Variants in GUCY1A2 observed in about 807,000 individuals in gnomAD.
GUCY1A2 encodes guanylate cyclase soluble subunit alpha-2.
GUCY1A2 carries 27 observed loss-of-function variants against 63.5 expected under a neutral mutation model. That is an observed-to-expected ratio of 0.43 (90% CI 0.31 to 0.59). GUCY1A2 has a LOEUF of 0.59. Among genes scored for constraint, GUCY1A2 ranks in the 20% least tolerant of loss-of-function variants. The pLI is 0.11. For missense variants in GUCY1A2, 768 were observed against 913.3 expected, an observed-to-expected ratio of 0.84 and a Z score of 2.05; for synonymous variants, 364 against 343.5, an observed-to-expected ratio of 1.06 and a Z score of -0.66.
At chr11:106,861,095 C>T (rs980152564) in intron 4 of GUCY1A2, among the ~76,000 whole-genome samples, 3 of 151,890 alleles carry the variant, frequency 2.0e-5, no homozygotes, top group Admixed American at 6.6e-5. Flanking sequence ...CTTGAGTCCT[C>T]GCTCTAACCT....
chr11:106,855,146 G>A (rs922788025), intron 4 of GUCY1A2, among the ~76,000 whole-genome samples: 2 of 152,138 alleles, frequency 1.3e-5, no homozygotes, highest in Non-Finnish European at 2.9e-5. Context: ...GTGAGTGGGA[G>A]CCAGTGTGAG....
chr11:106,806,251 G>T (rs1858683137), intron 5 of GUCY1A2, among the ~76,000 whole-genome samples: 1 of 152,168 alleles, frequency 6.6e-6, no homozygotes, highest in Non-Finnish European at 1.5e-5. Context: ...AAATGCTTAT[G>T]ATGTAACTGT....
At chr11:106,809,888 A>G (rs1858740965) in intron 5 of GUCY1A2, 105 bp downstream of exon 5, 1 of 704,518 alleles carries the variant, frequency 1.4e-6, no homozygotes, top group Admixed American at 2.8e-5. Context: ...TAAATTAAAG[A>G]GTTGTCAATT....
chr11:106,875,826 T>C (rs1859741004), intron 4 of GUCY1A2, among the ~76,000 whole-genome samples: 1 of 152,134 alleles, frequency 6.6e-6, no homozygotes, highest in African/African-American at 2.4e-5. Context: ...TCTTTTTTTA[T>C]ATCTATGCTT....
At chr11:106,981,206 T>C (rs1478948906) in intron 2 of GUCY1A2, among the ~76,000 whole-genome samples, 1 of 152,180 alleles carries the variant, frequency 6.6e-6, no homozygotes, top group Admixed American at 6.5e-5. Flanking sequence ...TTAAGTAATA[T>C]CCTTGAAGTT....
At chr11:106,901,288 C>T (rs1338449074) in intron 4 of GUCY1A2, among the ~76,000 whole-genome samples, 1 of 152,164 alleles carries the variant, frequency 6.6e-6, no homozygotes, top group Non-Finnish European at 1.5e-5. Context: ...TCAGGCCCCA[C>T]TTCTAACTCT....
intron 2 of GUCY1A2, among the ~76,000 whole-genome samples, chr11:106,978,982 CA>C (rs1197157043): frequency 6.6e-6 from 1 of 152,074 alleles, no homozygotes; most frequent in Non-Finnish European, 1.5e-5. Context: ...TTGAAGAGAA[CA>C]AAAAATATAT....
chr11:106,922,495 A>T (rs914856460), intron 4 of GUCY1A2, among the ~76,000 whole-genome samples: 5 of 150,880 alleles, frequency 3.3e-5, no homozygotes, highest in Admixed American at 2.0e-4. Flanking sequence ...ATATAAATAC[A>T]TATATTTGTT....
intron 5 of GUCY1A2, among the ~76,000 whole-genome samples, chr11:106,794,669 A>G (rs1199611105): frequency 6.6e-6 from 1 of 152,118 alleles, no homozygotes; most frequent in Non-Finnish European, 1.5e-5. Context: ...TAACCCAAAA[A>G]AGCTGGATAA....
chr11:106,695,757 A>G (rs1862707408), intron 7 of GUCY1A2, among the ~76,000 whole-genome samples: 1 of 152,210 alleles, frequency 6.6e-6, no homozygotes, highest in African/African-American at 2.4e-5. Flanking sequence ...AAATAAGGAA[A>G]GGAAGAATCT....
chr11:106,787,410 A>AC (rs1864575506), intron 5 of GUCY1A2, among the ~76,000 whole-genome samples: 1 of 14,138 alleles, frequency 7.1e-5, no homozygotes, highest in Admixed American at 8.8e-4. Flanking sequence ...AATTTGCCTT[A>AC]CTTTGTTTTT....
chr11:106,891,383 C>G (rs1447427240), intron 4 of GUCY1A2, among the ~76,000 whole-genome samples: 1 of 152,034 alleles, frequency 6.6e-6, no homozygotes, highest in East Asian at 1.9e-4. Flanking sequence ...AATATTTGCT[C>G]CCTGTCTGTG....
chr11:106,703,571 A>T (rs1241873854), intron 7 of GUCY1A2, among the ~76,000 whole-genome samples: 1 of 152,152 alleles, frequency 6.6e-6, no homozygotes, highest in African/African-American at 2.4e-5. Context: ...GTGGCCTCAA[A>T]GCTGGAAAAG....
chr11:107,016,145 C>G (rs547783536), intron 1 of GUCY1A2, among the ~76,000 whole-genome samples: 1 of 152,176 alleles, frequency 6.6e-6, no homozygotes, highest in South Asian at 2.1e-4. Context: ...CTTCTTAGGT[C>G]CCCCCTACCA....
chr11:106,990,992 ATTATT>A (rs767729470), intron 1 of GUCY1A2, among the ~76,000 whole-genome samples: 147 of 152,176 alleles, frequency 9.7e-4, no homozygotes, highest in African/African-American at 3.3e-3. Flanking sequence ...AAAGAGCCAT[ATTATT>A]TTATTTTTTT....
At chr11:106,947,498 A>G (rs566457591) in intron 3 of GUCY1A2, among the ~76,000 whole-genome samples, 1 of 152,162 alleles carries the variant, frequency 6.6e-6, no homozygotes, top group South Asian at 2.1e-4. Context: ...AAACTAACAA[A>G]AAGGCAAAGT....
At chr11:106,756,986 A>G (rs971796425) in intron 6 of GUCY1A2, among the ~76,000 whole-genome samples, 2 of 152,236 alleles carry the variant, frequency 1.3e-5, no homozygotes, top group Non-Finnish European at 2.9e-5. Context: ...AAGTACACCG[A>G]TCAAACGTAG....
chr11:106,978,849 C>A, intron 2 of GUCY1A2, 109 bp from the exon 3 acceptor site: 1 of 648,372 alleles, frequency 1.5e-6, no homozygotes. Context: ...ATCATAGTCA[C>A]ATTTTAAAAT....
intron 4 of GUCY1A2, among the ~76,000 whole-genome samples, chr11:106,893,478 C>T (rs1318554958): frequency 1.4e-5 from 2 of 140,550 alleles, no homozygotes; most frequent in East Asian, 2.1e-4. Flanking sequence ...ATATATATAC[C>T]ACCTATACTG....
Sources: allele counts gnomAD v4.1 joint callset (sites outside exome capture counted in the v4.1 genomes callset), GRCh38; gene constraint gnomAD v4.1.1; transcripts MANE v1.5; gene names NCBI Gene and HGNC (gene_info 2026-07-23, HGNC 2026-07-21).